The following ALG13 variants were observed in gnomAD, a reference collection of about 807,000 sequenced individuals.
ALG13 encodes the protein ALG13 UDP-N-acetylglucosaminyltransferase subunit, also known as UDP-N-acetylglucosamine transferase subunit ALG13.
In ALG13, 11 loss-of-function variants were observed where a neutral mutation model predicts 87.8. That is an observed-to-expected ratio of 0.13 (90% CI 0.08 to 0.21). The LOEUF is 0.21. Among genes scored for constraint, ALG13 ranks in the 10% least tolerant of loss-of-function variants. ALG13 has a pLI of 1.00. For synonymous variants in ALG13, 320 were observed against 306.3 expected, an observed-to-expected ratio of 1.04 and a Z score of -0.47; for missense variants, 756 against 866.1, an observed-to-expected ratio of 0.87 and a Z score of 1.60.
chrX:111,744,703 A>G lies in ALG13; in HGVS notation c.2731A>G (p.Ile911Val), dbSNP rs1392307065. The G allele has an allele frequency of 5.1e-6, 6 of 1,177,558 alleles. No individual in the cohort carries two copies. The highest frequency in any genetic ancestry group is 4.8e-5 in the Admixed American group (2 of 41,926). Residue 911 changes from isoleucine to valine, a missense_variant, in exon 24 of 27, where the codon ATT becomes GTT. Ile to Val is a conservative substitution (Grantham distance 29). Coordinates refer to ENST00000394780, the MANE Select transcript of ALG13 (RefSeq NM_001099922.3). ...ASPSYPCHSA[I>V]PHAGASLPPP... is the part of the protein sequence containing the mutation. Reference sequence around the variant, plus strand: ...ACCATCCTATCCATGCCATTCTGCTATTCCTCATGCTGGTGCCTCTCTACC... The same window carrying G: ...ACCATCCTATCCATGCCATTCTGCTGTTCCTCATGCTGGTGCCTCTCTACC...
At chrX:111,700,529 A>G (rs1602594587) in intron 3 of ALG13, among the ~76,000 whole-genome samples, 1 of 107,170 alleles carries the variant, frequency 9.3e-6, no homozygotes, top group Non-Finnish European at 1.9e-5. Context: ...TATTGTACTG[A>G]TATACATTTC....
At position 111,759,965 on chromosome X, in the gene ALG13, C is replaced by T; in HGVS notation, c.3380C>T (p.Pro1127Leu). The T allele has an allele frequency of 8.3e-7, 1 of 1,210,966 alleles. No individual in the cohort carries two copies. The highest frequency in any genetic ancestry group is 1.1e-6 in the Non-Finnish European group (1 of 895,181). The part of the protein sequence containing the change: ...PGPIGCIAPS[P>L]PASHYVPQGM ...CCAATTGGCTGTATTGCTCCATCTC[C>T]CCCAGCTTCTCATTATGTACCTCAG... Residue 1127 changes from proline (P) to leucine (L), a missense_variant, in exon 27 of 27, where the codon CCC becomes CTC. Transcript: ENST00000394780.
At position 111,725,015 on chromosome X, in the gene ALG13, A is replaced by G; in HGVS notation, c.1683A>G (p.Lys561=). Residue 561 remains lysine (K), a synonymous_variant, in exon 15 of 27, where the codon AAA becomes AAG. Transcript: ENST00000394780. ...CCTGGAATGCTATGCCCAGTCGGAAAGGAAGAGGTTACCAGAAAATGCCTG... is the reference window on the plus strand; with the variant it reads ...CCTGGAATGCTATGCCCAGTCGGAAGGGAAGAGGTTACCAGAAAATGCCTG... ...VPAWNAMPSR[K]GRGYQKMPGG... 8.3e-7 allele frequency: 1 copy of G among 1,211,453 alleles called. No homozygotes were observed. The highest frequency in any genetic ancestry group is 1.1e-6 in the Non-Finnish European group (1 of 895,100).
In ALG13 at chrX:111,721,723, T is replaced by C. The variant is rs1051547008; in HGVS notation, c.1435+12T>C. The C allele has an allele frequency of 9.2e-6, 10 of 1,089,226 alleles. No homozygotes were observed. The highest frequency in any genetic ancestry group is 2.3e-5 in the Admixed American group (1 of 42,862). The allele number at this position is 1,089,226 out of a possible 1,213,427, so 89.8% of individuals were successfully genotyped here. On this transcript the variant is annotated intron_variant, in intron 12 of 26. Transcript: ENST00000394780. ...GGACAGCAGAAAAGGTAAAGAAATATCAACAGGATACTTTTGAATCCTGAC... is the reference window on the plus strand; with the variant it reads ...GGACAGCAGAAAAGGTAAAGAAATACCAACAGGATACTTTTGAATCCTGAC...
At chrX:111,730,893 A>G (rs1942610919) in intron 21 of ALG13, among the ~76,000 whole-genome samples, 1 of 112,382 alleles carries the variant, frequency 8.9e-6, no homozygotes, top group Non-Finnish European at 1.9e-5. Context: ...AGAGGTCTGT[A>G]GAAGGGCTTG....
At chrX:111,728,696 A>G (rs1377272641) in intron 19 of ALG13, among the ~76,000 whole-genome samples, 1 of 110,971 alleles carries the variant, frequency 9.0e-6, no homozygotes, top group Non-Finnish European at 1.9e-5. Flanking sequence ...ACTACTATGA[A>G]GTAACTATTC....
At chrX:111,689,760 G>T in intron 3 of ALG13, 1 of 745,609 alleles carries the variant, frequency 1.3e-6, no homozygotes. Context: ...CCAGTCCCCT[G>T]CTCTTTCTAC....
At position 111,752,850 on chromosome X, in the gene ALG13, T is replaced by A. The variant is rs368694871; in HGVS notation, c.2973+20T>A. 1.7e-6 allele frequency: 2 copies of A among 1,162,817 alleles called. No homozygotes were observed. The highest frequency in any genetic ancestry group is 3.6e-5 in the African/African-American group (2 of 56,138). ...TTGCAGGTAAGTGCCATGTTAAAAT[T>A]TCTTTGATAAGCCCTATTTTCAAAG... On this transcript the variant is annotated intron_variant, in intron 25 of 26. Coordinates refer to ENST00000394780, the MANE Select transcript of ALG13 (RefSeq NM_001099922.3).
rs376435487 is a variant in ALG13, at chrX:111,715,696, C to T, written c.1006-2150C>T. On this transcript the variant is annotated intron_variant, in intron 8 of 26. Coordinates refer to ENST00000394780, the MANE Select transcript of ALG13 (RefSeq NM_001099922.3). The stretch of plus-strand genomic sequence containing the variant: ...TTGCGCCGCTGCACTCCAGCCTGGG[C>T]GACAGAGCAAGACTCCATCTCAGAA... Among the ~76,000 whole-genome samples the T allele has an allele frequency of 6.3e-4, 71 of 112,064 alleles. No individual in the cohort carries two copies. In the East Asian group the frequency reaches 0.013, roughly 21 times the overall value.
At position 111,735,143 on chromosome X, in the gene ALG13, A is replaced by T. The variant is rs760534117; in HGVS notation, c.2529+21A>T. The T allele has an allele frequency of 6.8e-6, 7 of 1,031,593 alleles. No homozygotes were observed. In the East Asian group the frequency reaches 2.2e-4, roughly 32 times the overall value. The allele number at this position is 1,031,593 out of a possible 1,213,427, so 85.0% of individuals were successfully genotyped here. A position where few individuals can be genotyped will look rare whatever the true frequency, so the allele number is the denominator to read the frequency against. On this transcript the variant is annotated intron_variant, in intron 22 of 26. Coordinates refer to ENST00000394780, the MANE Select transcript of ALG13 (RefSeq NM_001099922.3). ...AGAAGGTAATCCTCATAGTGTTATT[A>T]AGCAGTTACAATGGCCTGAACACAG... is the stretch of plus-strand genomic sequence containing the variant.
rs771232900 is a variant in ALG13, at chrX:111,726,909, C to T, written c.1830C>T (p.Leu610=). 1 of 1,209,315 alleles carries T rather than the reference C, an allele frequency of 8.3e-7. No individual in the cohort carries two copies. The highest frequency in any genetic ancestry group is 2.2e-5 in the Admixed American group (1 of 45,718). ...TGGCTTACGGCAAGGGAGACCCCCT[C>T]CTCCCACCCAGGCTGCAGCACAGTA... is the stretch of plus-strand genomic sequence containing the variant. ...MTMAYGKGDP[L]LPPRLQHSMH... The change falls in exon 16 of 27, where the codon CTC becomes CTT. Residue 610 remains leucine, a synonymous_variant. Coordinates refer to ENST00000394780, the MANE Select transcript of ALG13 (RefSeq NM_001099922.3).
At chrX:111,753,422 C>G (rs1169483301) in intron 25 of ALG13, among the ~76,000 whole-genome samples, 3 of 111,604 alleles carry the variant, frequency 2.7e-5, no homozygotes, top group African/African-American at 9.8e-5. Flanking sequence ...AATTCAAAAC[C>G]TAGCAAAAGA....
intron 12 of ALG13, among the ~76,000 whole-genome samples, 189 bp from the exon 13 acceptor site, chrX:111,722,604 C>T (rs1941512830): frequency 8.9e-6 from 1 of 112,349 alleles, no homozygotes; most frequent in Admixed American, 9.4e-5. Context: ...TATTCTGGCA[C>T]GTCTTTTTAA....
At chrX:111,687,809 A>C in intron 3 of ALG13, 2 of 911,583 alleles carry the variant, frequency 2.2e-6, no homozygotes, top group Non-Finnish European at 3.0e-6. Context: ...TGGAAGTTAG[A>C]TTCAGTCATC....
chrX:111,685,387 A>G (rs1934678024), intron 3 of ALG13: 1 of 182,968 alleles, frequency 5.5e-6, no homozygotes, highest in Admixed American at 7.9e-5. Context: ...CCAAGACACT[A>G]ATTTTGGAGT....
intron 23 of ALG13, among the ~76,000 whole-genome samples, chrX:111,738,682 C>T (rs1397375169): frequency 1.8e-5 from 2 of 110,332 alleles, no homozygotes; most frequent in African/African-American, 6.6e-5. Flanking sequence ...GGACTATAGG[C>T]ACACGCCACC....
chrX:111,727,029 A>G lies in ALG13; in HGVS notation c.1950A>G (p.Arg650=), dbSNP rs1422281937. The G allele has an allele frequency of 8.3e-7, 1 of 1,211,424 alleles. No homozygotes were observed. The highest frequency in any genetic ancestry group is 1.1e-6 in the Non-Finnish European group (1 of 895,154). ...TTCATCCTCAGCATCCATCTCCGAG[A>G]CAAGGTCGGGGATATGGGATGCCCA... ...EHFHPQHPSP[R]QGRGYGMPRN... Residue 650 remains arginine (R), a synonymous_variant, in exon 16 of 27, where the codon AGA becomes AGG. Coordinates refer to ENST00000394780, the MANE Select transcript of ALG13 (RefSeq NM_001099922.3).
At chrX:111,749,911 C>G (rs746238029) in intron 24 of ALG13, among the ~76,000 whole-genome samples, 2 of 111,743 alleles carry the variant, frequency 1.8e-5, no homozygotes, top group Admixed American at 9.5e-5. Context: ...TGTCCCTGAA[C>G]AGTTAGAGTA....
At chrX:111,695,571 T>C (rs779539153) in intron 3 of ALG13, among the ~76,000 whole-genome samples, 115 of 110,153 alleles carry the variant, frequency 1.0e-3, no homozygotes, top group Admixed American at 2.6e-3. Context: ...CAGTGTGGTA[T>C]ATTTTAAAGC....
Sources: gnomAD v4.1 joint callset for allele counts (sites outside exome capture counted in the v4.1 genomes callset) on GRCh38, gnomAD v4.1.1 for gene constraint, MANE v1.5 for transcripts, NCBI Gene and HGNC (gene_info 2026-07-23, HGNC 2026-07-21) for gene names.